The following DCTN3 variants were observed in gnomAD, a reference collection of about 807,000 sequenced individuals.
The protein encoded by DCTN3 is dynactin 3 (p22).
A neutral mutation model predicts 28.4 loss-of-function variants in DCTN3; 25 were observed. That is an observed-to-expected ratio of 0.88 (90% CI 0.64 to 1.23). DCTN3 has a LOEUF of 1.23. Ranked by LOEUF, DCTN3 falls within the 50% of genes most tolerant of loss-of-function variation. DCTN3 has a pLI of 0.00. For synonymous variants in DCTN3, 81 were observed against 91.4 expected (o/e 0.89, Z 0.65); for missense variants, 229 against 232.0 (o/e 0.99, Z 0.08).
rs1452213235 is a variant in DCTN3 at position 34,616,342 on chromosome 9, C to T, written c.269-229G>A. 2.5e-6 allele frequency: 1 copy of T among 403,878 alleles called. No homozygotes were observed. Among genetic ancestry groups the T allele is most frequent in the Admixed American group, 4.3e-5 (1 of 23,440 alleles). 25.0% of individuals were successfully genotyped at this position (403,878 alleles called of 1,614,324 possible). On this transcript the variant is annotated intron_variant, in intron 3 of 6. Coordinates refer to ENST00000259632, the MANE Select transcript of DCTN3 (RefSeq NM_007234.5). The surrounding 1 kb of genome is among the most constrained non-coding windows in gnomAD (Gnocchi z 4.7). ...AGCCTAATGAGCCTCTCAATTTCTC[C>T]AAATCCCACCTTTCTCCAAGGTTTA...
intron 2 of DCTN3, 21 bp from the exon 3 acceptor site, chr9:34,617,992 A>C (rs1820462422): frequency 6.2e-7 from 1 of 1,609,490 alleles, no homozygotes; most frequent in Non-Finnish European, 8.5e-7. Context: ...AGCAAGATGG[A>C]AAATGGAATA....
chr9:34,620,285 C>T lies in DCTN3; in HGVS notation c.96+84G>A, dbSNP rs1820523679. 9 of 1,199,912 alleles carry T rather than the reference C, an allele frequency of 7.5e-6. No homozygotes were observed. The South Asian group carries it at 1.1e-4, about 15-fold the overall frequency. The allele number at this position is 1,199,912 out of a possible 1,614,324, so 74.3% of individuals were successfully genotyped here. On this transcript the variant is annotated intron_variant, in intron 1 of 6. Coordinates refer to ENST00000259632, the MANE Select transcript of DCTN3 (RefSeq NM_007234.5). ...AAAGGCCGGGCTGCGGAGAACAGGA[C>T]TGGAGCGGTTGCATCCCGAGGGCCA...
intron 3 of DCTN3, among the ~76,000 whole-genome samples, chr9:34,617,268 C>A (rs1198418642): frequency 2.6e-5 from 4 of 152,176 alleles, no homozygotes; most frequent in African/African-American, 9.7e-5. Context: ...GACCCTGTCT[C>A]CCCTAGCTCT....
intron 3 of DCTN3, 130 bp downstream of exon 3, chr9:34,617,755 G>A (rs1820455300): frequency 6.5e-7 from 1 of 1,530,752 alleles, no homozygotes. Flanking sequence ...CCAGAACCAG[G>A]CCACAATTCC....
At position 34,613,567 on chromosome 9, in the gene DCTN3, T is replaced by C. The variant is rs1820350519; in HGVS notation, c.*215A>G. ...CTCCTCCAGTCATCTCTATGGTTTA[T>C]TGTCACTGAAATAAGAACACTGATT... On this transcript the variant is annotated 3_prime_UTR_variant, in exon 7 of 7. Coordinates refer to ENST00000259632, the MANE Select transcript of DCTN3 (RefSeq NM_007234.5). 2.2e-6 allele frequency: 1 copy of C among 454,018 alleles called. No homozygotes were observed. Among genetic ancestry groups the C allele is most frequent in the South Asian group, 2.0e-5 (1 of 49,322 alleles). The allele number at this position is 454,018 out of a possible 1,614,324, so 28.1% of individuals were successfully genotyped here.
rs988320901 is a variant in DCTN3 at position 34,616,926 on chromosome 9, G to A, written c.269-813C>T. Among the ~76,000 whole-genome samples, 1 of 152,150 alleles carries A rather than the reference G, an allele frequency of 6.6e-6. No homozygotes were observed. The highest frequency in any genetic ancestry group is 1.5e-5 in the Non-Finnish European group (1 of 68,018). ...CATGTTGGGAACATGTTTTTGTGAG[G>A]GTGAGACTGAACCACATGCAGGAAG... On this transcript the variant is annotated intron_variant, in intron 3 of 6. Transcript: ENST00000259632. This position sits in a 1 kb window ranked among gnomAD's most constrained non-coding sequence, Gnocchi z 4.7.
Position 34,616,207 on chromosome 9 carries a change from G to T in DCTN3, c.269-94C>A. The T allele has an allele frequency of 1.1e-6, 1 of 882,654 alleles. No homozygotes were observed. Among genetic ancestry groups the T allele is most frequent in the Non-Finnish European group, 1.8e-6 (1 of 541,940 alleles). 54.7% of individuals were successfully genotyped at this position (882,654 alleles called of 1,614,324 possible). A position where few individuals can be genotyped will look rare whatever the true frequency, so the allele number is the denominator to read the frequency against. On this transcript the variant is annotated intron_variant, in intron 3 of 6. Transcript: ENST00000259632. The surrounding 1 kb of genome is among the most constrained non-coding windows in gnomAD (Gnocchi z 4.7). ...GGCCTGAGGACCTGGCAAGGGAGATGGCTAGGTCCTAGAGCTTTGGACAGT... is the reference window on the plus strand; with the variant it reads ...GGCCTGAGGACCTGGCAAGGGAGATTGCTAGGTCCTAGAGCTTTGGACAGT...
At chr9:34,618,822 A>G (rs1383983630) in intron 1 of DCTN3, 62 bp from the exon 2 acceptor site, 1 of 1,321,778 alleles carries the variant, frequency 7.6e-7, no homozygotes, top group African/African-American at 1.4e-5. Context: ...TGGAAAAGTT[A>G]AAGAACCCTC....
intron 4 of DCTN3, 82 bp from the exon 5 acceptor site, chr9:34,614,850 GATTAGAGT>G: frequency 6.5e-7 from 1 of 1,545,192 alleles, no homozygotes; most frequent in Non-Finnish European, 8.9e-7. Context: ...TCTTTGGCAG[GATTAGAGT>G]ATTGAGTGGA....
intron 3 of DCTN3, among the ~76,000 whole-genome samples, chr9:34,617,304 T>G (rs1431397998): frequency 1.3e-5 from 2 of 152,178 alleles, no homozygotes; most frequent in Non-Finnish European, 2.9e-5. Context: ...GGCAGGGACT[T>G]TCTGGTTCAC....
At chr9:34,614,314 G>T in intron 5 of DCTN3, 2 of 1,064,344 alleles carry the variant, frequency 1.9e-6, no homozygotes, top group African/African-American at 1.6e-5. Flanking sequence ...AAAGGGAGTG[G>T]CCATACATTA....
rs1276466045 is a variant in DCTN3 at position 34,618,771 on chromosome 9, AGTG to A, written c.97-14_97-12del. Reference sequence around the variant, plus strand: ...CAGGCCGTCAGCCACCTGTAAGGGAAGTGGTGGTTAATTCCAAGATATACTACC... The same window carrying A: ...CAGGCCGTCAGCCACCTGTAAGGGAAGTGGTTAATTCCAAGATATACTACC... On this transcript the variant is annotated splice_polypyrimidine_tract_variant and intron_variant, in intron 1 of 6. Coordinates refer to ENST00000259632, the MANE Select transcript of DCTN3 (RefSeq NM_007234.5). 4 of 1,611,126 alleles carry A rather than the reference AGTG, an allele frequency of 2.5e-6. No individual in the cohort carries two copies. Among genetic ancestry groups the A allele is most frequent in the Non-Finnish European group, 3.4e-6 (4 of 1,177,316 alleles).
chr9:34,614,485 C>T (rs1395020644), intron 5 of DCTN3: 7 of 632,750 alleles, frequency 1.1e-5, no homozygotes, highest in East Asian at 1.1e-4. Flanking sequence ...CAGCCTCAAC[C>T]TTATGGTGTC....
intron 1 of DCTN3, 32 bp from the exon 2 acceptor site, chr9:34,618,792 ATAC>A (rs1312821053): frequency 6.5e-7 from 1 of 1,541,102 alleles, no homozygotes; most frequent in African/African-American, 1.4e-5. Context: ...ATTCCAAGAT[ATAC>A]TACCTGGCTC....
chr9:34,618,505 A>G (rs190107919), intron 2 of DCTN3, among the ~76,000 whole-genome samples, 171 bp downstream of exon 2: 2 of 152,232 alleles, frequency 1.3e-5, no homozygotes, highest in East Asian at 1.9e-4. Flanking sequence ...CACAAGGTAG[A>G]AAAGCACACC....
chr9:34,617,355 G>A (rs992936208), intron 3 of DCTN3, among the ~76,000 whole-genome samples: 7 of 152,220 alleles, frequency 4.6e-5, no homozygotes, highest in African/African-American at 1.4e-4. Flanking sequence ...CTGGATCAGA[G>A]TAGATGATCA....
chr9:34,619,789 T>C (rs549510286), intron 1 of DCTN3, among the ~76,000 whole-genome samples: 2 of 152,272 alleles, frequency 1.3e-5, no homozygotes, highest in Non-Finnish European at 2.9e-5. Context: ...GATCTTCCCA[T>C]AGTAGAAAGG....
intron 2 of DCTN3, 25 bp downstream of exon 2, chr9:34,618,651 G>C (rs779822792): frequency 6.3e-7 from 1 of 1,590,364 alleles, no homozygotes; most frequent in East Asian, 2.2e-5. Flanking sequence ...TGTCGGGCAG[G>C]CAGGCACATC....
At chr9:34,613,996 C>G (rs750404732) in intron 6 of DCTN3, 46 bp downstream of exon 6, 24 of 1,605,418 alleles carry the variant, frequency 1.5e-5, no homozygotes, top group Non-Finnish European at 2.0e-5. Context: ...AAGGACAGGG[C>G]TTAGGGACAG....
Sources: gnomAD v4.1 joint callset for allele counts (sites outside exome capture counted in the v4.1 genomes callset) on GRCh38, gnomAD v4.1.1 for gene constraint, Gnocchi (gnomAD v3.1) non-coding constraint, MANE v1.5 for transcripts, NCBI Gene and HGNC (gene_info 2026-07-23, HGNC 2026-07-21) for gene names.